Variants in CDH18 observed in about 807,000 individuals in gnomAD.
CDH18 encodes the protein cadherin 18.
In CDH18, 31 loss-of-function variants were observed where a neutral mutation model predicts 67.9. The observed-to-expected ratio is 0.46, with a 90% CI of 0.34 to 0.62. The LOEUF (loss-of-function observed/expected upper bound fraction) is 0.62. Ranked by LOEUF, CDH18 falls within the 20% of genes least tolerant of loss-of-function variation. The pLI, the probability that CDH18 is intolerant of heterozygous loss-of-function variation, is 0.01. For synonymous variants in CDH18, 362 were observed against 347.2 expected (o/e 1.04, Z -0.48); for missense variants, 890 against 975.5 (o/e 0.91, Z 1.17).
At chr5:19,808,618 G>C (rs1226146079) in intron 3 of CDH18, among the ~76,000 whole-genome samples, 1 of 151,890 alleles carries the variant, frequency 6.6e-6, no homozygotes, top group Non-Finnish European at 1.5e-5. Flanking sequence ...CTGAGGTCAG[G>C]AGTTCTAGAC....
chr5:20,304,873 T>G (rs1334087393), intron 1 of CDH18: 20 of 1,611,774 alleles, frequency 1.2e-5, no homozygotes, highest in Non-Finnish European at 1.7e-5. Context: ...GTTTGCTAAA[T>G]ATTTCTCATA....
chr5:20,134,121 C>T (rs577041863), intron 2 of CDH18, among the ~76,000 whole-genome samples: 5 of 152,212 alleles, frequency 3.3e-5, no homozygotes, highest in Non-Finnish European at 5.9e-5. Flanking sequence ...AGGACTGTGT[C>T]ACCACACTAG....
chr5:19,858,154 T>A (rs930143725), intron 2 of CDH18, among the ~76,000 whole-genome samples: 1 of 152,058 alleles, frequency 6.6e-6, no homozygotes, highest in Non-Finnish European at 1.5e-5. Flanking sequence ...GTATATTGGT[T>A]TGGTCCAGAA....
At chr5:20,339,792 G>A (rs1355359748) in intron 1 of CDH18, among the ~76,000 whole-genome samples, 1 of 152,166 alleles carries the variant, frequency 6.6e-6, no homozygotes, top group African/African-American at 2.4e-5. Flanking sequence ...GTATATAGAA[G>A]CTTTCCAGAA....
intron 2 of CDH18, among the ~76,000 whole-genome samples, chr5:19,892,561 T>TA (rs1483519237): frequency 6.6e-6 from 1 of 152,122 alleles, no homozygotes; most frequent in African/African-American, 2.4e-5. Flanking sequence ...TGTACCTGTA[T>TA]AGTCCTCTCT....
intron 2 of CDH18, among the ~76,000 whole-genome samples, chr5:19,899,046 A>G (rs180761004): frequency 2.0e-5 from 3 of 152,332 alleles, no homozygotes; most frequent in Admixed American, 6.5e-5. Flanking sequence ...GCTGAAAGGT[A>G]TAAGAAAATT....
chr5:20,292,089 G>A (rs1425418108), intron 1 of CDH18, among the ~76,000 whole-genome samples: 1 of 152,174 alleles, frequency 6.6e-6, no homozygotes, highest in Non-Finnish European at 1.5e-5. Flanking sequence ...TGAACCATTT[G>A]CAAAGGTAAG....
intron 2 of CDH18, among the ~76,000 whole-genome samples, chr5:20,022,254 G>T (rs932970785): frequency 6.6e-6 from 1 of 152,248 alleles, no homozygotes; most frequent in South Asian, 2.1e-4. Flanking sequence ...GGTACTTCGT[G>T]GTCTAGTCTT....
chr5:19,697,646 T>C (rs1456710780), intron 5 of CDH18, among the ~76,000 whole-genome samples: 1 of 152,160 alleles, frequency 6.6e-6, no homozygotes, highest in Admixed American at 6.5e-5. Flanking sequence ...CTCTAGACTT[T>C]CCATAAAGGA....
intron 1 of CDH18, among the ~76,000 whole-genome samples, chr5:20,429,114 CAAGA>C (rs1028512024): frequency 1.3e-5 from 2 of 151,728 alleles, no homozygotes; most frequent in Non-Finnish European, 2.9e-5. Flanking sequence ...TCTCTCTCCT[CAAGA>C]AAGACTGTGA....
chr5:20,548,960 T>C (rs984186228), intron 1 of CDH18, among the ~76,000 whole-genome samples: 3 of 152,098 alleles, frequency 2.0e-5, no homozygotes, highest in Admixed American at 6.6e-5. Flanking sequence ...ACATATAGGG[T>C]GATAATCCAT....
chr5:20,360,360 T>C (rs1051788798), intron 1 of CDH18, among the ~76,000 whole-genome samples: 2 of 152,052 alleles, frequency 1.3e-5, no homozygotes, highest in African/African-American at 4.8e-5. Context: ...GCTGGCACAG[T>C]TTTTCTGAAC....
chr5:19,614,204 ATTTTC>A (rs1323701599), intron 5 of CDH18, among the ~76,000 whole-genome samples: 1 of 151,786 alleles, frequency 6.6e-6, no homozygotes, highest in Non-Finnish European at 1.5e-5. Flanking sequence ...GTAAATCACT[ATTTTC>A]TTTTTTTTCT....
chr5:20,123,754 G>GGT (rs1431327513), intron 2 of CDH18, among the ~76,000 whole-genome samples: 1 of 151,948 alleles, frequency 6.6e-6, no homozygotes. Context: ...CGGGTGTGGT[G>GGT]GTGGGCACCT....
chr5:20,562,581 T>G (rs532926907), intron 1 of CDH18, among the ~76,000 whole-genome samples: 1 of 151,758 alleles, frequency 6.6e-6, no homozygotes, highest in African/African-American at 2.4e-5. Flanking sequence ...CGTTATATTC[T>G]AATATATCTT....
chr5:20,363,622 G>T (rs2150074678), intron 1 of CDH18, among the ~76,000 whole-genome samples: 1 of 151,820 alleles, frequency 6.6e-6, no homozygotes, highest in East Asian at 1.9e-4. Flanking sequence ...GTATACAGTG[G>T]CATCAGAACA....
At chr5:19,976,123 T>C (rs762875108) in intron 2 of CDH18, among the ~76,000 whole-genome samples, 19 of 152,174 alleles carry the variant, frequency 1.2e-4, no homozygotes, top group Non-Finnish European at 2.2e-4. Flanking sequence ...TTCATGCTTC[T>C]TTTCCCTTTT....
intron 10 of CDH18, among the ~76,000 whole-genome samples, chr5:19,518,216 A>G (rs78032152): frequency 1.3e-3 from 193 of 152,266 alleles, no homozygotes; most frequent in East Asian, 2.9e-3. Flanking sequence ...AAACTGCACA[A>G]TGCTTTCAAG....
chr5:20,119,374 T>C (rs915664863), intron 2 of CDH18, among the ~76,000 whole-genome samples: 2 of 152,148 alleles, frequency 1.3e-5, no homozygotes, highest in African/African-American at 4.8e-5. Flanking sequence ...TTCTTATATG[T>C]TGCCTTTCCA....
Sources: allele counts gnomAD v4.1 joint callset (sites outside exome capture counted in the v4.1 genomes callset), GRCh38; gene constraint gnomAD v4.1.1; transcripts MANE v1.5; gene names NCBI Gene and HGNC (gene_info 2026-07-23, HGNC 2026-07-21).